Variants in EXOC7 observed in about 807,000 individuals in gnomAD.
EXOC7 encodes the protein exocyst complex component Exo70.
EXOC7 carries 51 observed loss-of-function variants against 87.6 expected under a neutral mutation model. That is an observed-to-expected ratio of 0.58 (90% confidence interval 0.46 to 0.73). The LOEUF is 0.73. EXOC7 is among the 30% of genes least tolerant of loss of function. EXOC7 has a pLI of 0.00. For missense variants in EXOC7, 744 were observed against 888.4 expected (o/e 0.84, Z 2.07); for synonymous variants, 327 against 357.1 (o/e 0.92, Z 0.95).
At position 76,083,429 on chromosome 17, in the gene EXOC7, C is replaced by G; in HGVS notation, c.*219G>C. ...TAAAAGCCAAGGTGTGGAGGGACCC[C>G]AGGCTTCCGGGAGAGTGCTGGTTCG... On this transcript the variant is annotated 3_prime_UTR_variant, in exon 19 of 19. Coordinates refer to ENST00000589210, the MANE Select transcript of EXOC7 (RefSeq NM_001013839.4). The G allele has an allele frequency of 3.5e-6, 2 of 569,498 alleles. No homozygotes were observed. The highest frequency in any genetic ancestry group is 6.3e-6 in the Non-Finnish European group (2 of 317,488). The allele number at this position is 569,498 out of a possible 1,614,324, so 35.3% of individuals were successfully genotyped here.
At chr17:76,083,876 C>T in intron 18 of EXOC7, 126 bp from the exon 19 acceptor site, 1 of 1,491,356 alleles carries the variant, frequency 6.7e-7, no homozygotes, top group Non-Finnish European at 9.1e-7. Context: ...GGCCCCGCCC[C>T]AAAGCCCAGG....
intron 15 of EXOC7, 68 bp from the exon 16 acceptor site, chr17:76,084,648 T>G (rs534550761): frequency 6.9e-7 from 1 of 1,443,384 alleles, no homozygotes; most frequent in East Asian, 2.3e-5. Flanking sequence ...TTGTTTCGTT[T>G]GCTAAATCTC....
At chr17:76,096,797 C>A (rs2067778648) in intron 5 of EXOC7, among the ~76,000 whole-genome samples, 1 of 152,036 alleles carries the variant, frequency 6.6e-6, no homozygotes, top group Admixed American at 6.6e-5. Context: ...CTCAGGTGAT[C>A]CGCCCACCTT....
At chr17:76,091,384 G>C in intron 6 of EXOC7, 149 bp from the exon 7 acceptor site, 1 of 623,534 alleles carries the variant, frequency 1.6e-6, no homozygotes, top group South Asian at 1.9e-5. Context: ...GAGACGCTGG[G>C]GACAAGGATG....
chr17:76,088,219 C>A, intron 10 of EXOC7, 97 bp from the exon 11 acceptor site: 1 of 1,285,986 alleles, frequency 7.8e-7, no homozygotes, highest in Non-Finnish European at 1.1e-6. Flanking sequence ...CAGACGGGTG[C>A]TAGGACACCT....
chr17:76,092,291 GT>G (rs71363610), intron 6 of EXOC7: 8,032 of 101,392 alleles, frequency 0.079, 125 homozygotes, highest in Middle Eastern at 0.11. Flanking sequence ...CAATTAGCTT[GT>G]TTTTTTTTTT....
In EXOC7 at chr17:76,085,662, C is replaced by T; in HGVS notation, c.1616+15G>A. 2 of 1,614,010 alleles carry T rather than the reference C, an allele frequency of 1.2e-6. No homozygotes were observed. The highest frequency in any genetic ancestry group is 1.7e-6 in the Non-Finnish European group (2 of 1,180,030). ...GAAGGTGAGAGCCGCAGACTCACTC[C>T]CGCAGGCCACTTACTTCTCCAGGGA... On this transcript the variant is annotated intron_variant, in intron 14 of 18. Transcript: ENST00000589210.
chr17:76,083,239 C>T lies in EXOC7; in HGVS notation c.*409G>A. 5.5e-6 allele frequency: 1 copy of T among 180,802 alleles called. No individual in the cohort carries two copies. Among genetic ancestry groups the T allele is most frequent in the Non-Finnish European group, 1.2e-5 (1 of 86,026 alleles). 11.2% of individuals were successfully genotyped at this position (180,802 alleles called of 1,614,324 possible). ...CAGGAGCTCTGGCTGCTTCTCTGAG[C>T]CCTGCCACATCTCTGGGCTGTAGGG... On this transcript the variant is annotated 3_prime_UTR_variant, in exon 19 of 19. Coordinates refer to ENST00000589210, the MANE Select transcript of EXOC7 (RefSeq NM_001013839.4).
In EXOC7 at chr17:76,086,705, AG is replaced by A. The variant is rs2067228438; in HGVS notation, c.1430-561del. ...AAGCTCAGAGACAGAGTGGCCTTGAAGGGAGCAGAGAGAGTTGAGAGCACCC... is the reference window on the plus strand; with the variant it reads ...AAGCTCAGAGACAGAGTGGCCTTGAAGGAGCAGAGAGAGTTGAGAGCACCC... On this transcript the variant is annotated intron_variant, in intron 12 of 18. Coordinates refer to ENST00000589210, the MANE Select transcript of EXOC7 (RefSeq NM_001013839.4). 6.0e-6 allele frequency: 4 copies of A among 665,152 alleles called. No homozygotes were observed. The East Asian group carries it at 1.1e-4, about 19-fold the overall frequency. The allele number at this position is 665,152 out of a possible 1,614,324, so 41.2% of individuals were successfully genotyped here.
At chr17:76,100,850 G>C (rs143214082) in intron 4 of EXOC7, among the ~76,000 whole-genome samples, 1 of 151,426 alleles carries the variant, frequency 6.6e-6, no homozygotes, top group Admixed American at 6.6e-5. Context: ...GTGCGGTGGC[G>C]AGTGCCTGTA....
At position 76,082,367 on chromosome 17, in the gene EXOC7, G is replaced by A. The variant is rs933209401; in HGVS notation, c.*1281C>T. On this transcript the variant is annotated 3_prime_UTR_variant, in exon 19 of 19. Transcript: ENST00000589210. ...TTCATCAGCTGAGAATCTAAGAAAG[G>A]AAGCGATACAGGCTGATGACCCCTG... 10 of 1,291,326 alleles carry A rather than the reference G, an allele frequency of 7.7e-6. No homozygotes were observed. The highest frequency in any genetic ancestry group is 1.1e-5 in the Non-Finnish European group (10 of 938,160). 80.0% of individuals were successfully genotyped at this position (1,291,326 alleles called of 1,614,324 possible).
intron 6 of EXOC7, among the ~76,000 whole-genome samples, chr17:76,091,975 G>A (rs1000309336): frequency 6.6e-6 from 1 of 152,228 alleles, no homozygotes; most frequent in African/African-American, 2.4e-5. Flanking sequence ...TATCACAAGT[G>A]AAAACAATGA....
In EXOC7 at chr17:76,103,348, C is replaced by G. The variant is rs941433836; in HGVS notation, c.126+13G>C. ...GGAGGCCTGCCCTCTCCCCCAGCTG[C>G]GGGGAGACTCACCATGTTCTTAGTG... On this transcript the variant is annotated intron_variant, in intron 2 of 18. Coordinates refer to ENST00000589210, the MANE Select transcript of EXOC7 (RefSeq NM_001013839.4). 2.5e-6 allele frequency: 4 copies of G among 1,585,482 alleles called. No homozygotes were observed. Among genetic ancestry groups the G allele is most frequent in the Non-Finnish European group, 3.4e-6 (4 of 1,164,370 alleles).
chr17:76,084,399 C>T, intron 16 of EXOC7, 110 bp from the exon 17 acceptor site: 1 of 1,549,706 alleles, frequency 6.5e-7, no homozygotes, highest in South Asian at 1.1e-5. Context: ...GTCCTGATGG[C>T]CACATGCATC....
chr17:76,088,606 T>A lies in EXOC7; in HGVS notation c.1201-44A>T, dbSNP rs745853801. 36 of 1,598,952 alleles carry A rather than the reference T, an allele frequency of 2.3e-5. No individual in the cohort carries two copies. In the Admixed American group the frequency reaches 3.5e-4, roughly 16 times the overall value. On this transcript the variant is annotated intron_variant, in intron 9 of 18. Transcript: ENST00000589210. Reference sequence around the variant, plus strand: ...GCCCCCAGCTCACCTCCAGTCGCTCTGTGAGCATCTCACTCACCCAGGGCC... The same window carrying A: ...GCCCCCAGCTCACCTCCAGTCGCTCAGTGAGCATCTCACTCACCCAGGGCC...
chr17:76,088,369 G>A (rs541315163), intron 10 of EXOC7, 95 bp downstream of exon 10: 24 of 1,283,872 alleles, frequency 1.9e-5, no homozygotes, highest in South Asian at 5.1e-5. Flanking sequence ...CCGGGACAAC[G>A]CACCCTCTTG....
chr17:76,096,176 T>C (rs1307437837), intron 5 of EXOC7, among the ~76,000 whole-genome samples: 1 of 152,118 alleles, frequency 6.6e-6, no homozygotes, highest in Admixed American at 6.5e-5. Flanking sequence ...CGCTGACAAC[T>C]TGGTATGTGT....
chr17:76,089,113 A>C (rs1434974951), intron 8 of EXOC7, 62 bp downstream of exon 8: 12 of 1,603,028 alleles, frequency 7.5e-6, no homozygotes, highest in East Asian at 2.2e-5. Flanking sequence ...TGAGGGCTGC[A>C]AGAGTCTGTT....
chr17:76,098,671 C>A (rs1248171891), intron 4 of EXOC7, among the ~76,000 whole-genome samples: 3 of 149,936 alleles, frequency 2.0e-5, no homozygotes, highest in African/African-American at 7.4e-5. Context: ...ACCATCCTGG[C>A]TAACAAGGTG....
Sources: gnomAD v4.1 joint callset for allele counts (sites outside exome capture counted in the v4.1 genomes callset) on GRCh38, gnomAD v4.1.1 for gene constraint, MANE v1.5 for transcripts, NCBI Gene and HGNC (gene_info 2026-07-23, HGNC 2026-07-21) for gene names.